ROGDI: variants seen among roughly 807,000 people sequenced by gnomAD.
ROGDI encodes rogdi atypical leucine zipper.
In ROGDI, 46 loss-of-function variants were observed where a neutral mutation model predicts 43.1. The ratio of observed to expected loss-of-function variants is 1.07; its 90% CI spans 0.84 to 1.37. The LOEUF (loss-of-function observed/expected upper bound fraction) is 1.37. Ranked by LOEUF, ROGDI falls within the 40% of genes most tolerant of loss-of-function variation. ROGDI has a pLI of 0.00. For synonymous variants in ROGDI, 243 were observed against 162.0 expected, an observed-to-expected ratio of 1.50 and a Z score of -3.80; for missense variants, 518 against 383.9, an observed-to-expected ratio of 1.35 and a Z score of -2.92.
rs775275654 is a variant in ROGDI at position 4,797,875 on chromosome 16, C to A, written c.696-35G>T. 9 of 1,607,748 alleles carry A rather than the reference C, an allele frequency of 5.6e-6. No homozygotes were observed. The Admixed American group carries it at 1.5e-4, about 27-fold the overall frequency. On this transcript the variant is annotated intron_variant, in intron 9 of 10. Coordinates refer to ENST00000322048, the MANE Select transcript of ROGDI (RefSeq NM_024589.3). The stretch of plus-strand genomic sequence containing the variant: ...GTGAGAGGGTCCCTGAGGAGGGTCC[C>A]GGCCCTCCAGGTGTGGAGGGATGGG...
rs377372825 is a variant in ROGDI, at chr16:4,797,581, A to G, written c.823-80T>C. ...GAGATGTCAAGGTCACCCAAGGACA[A>G]TATGTCAGGACAGGGCATTGCTGCC... On this transcript the variant is annotated intron_variant, in intron 10 of 10. Coordinates refer to ENST00000322048, the MANE Select transcript of ROGDI (RefSeq NM_024589.3). The G allele has an allele frequency of 2.3e-4, 356 of 1,581,832 alleles. 2 individuals carry two copies. The highest frequency in any genetic ancestry group is 2.0e-3 in the African/African-American group (151 of 74,424).
Position 4,802,517 on chromosome 16 carries a change from C to T in ROGDI, c.45+10G>A. On this transcript the variant is annotated intron_variant, in intron 1 of 10. Coordinates refer to ENST00000322048, the MANE Select transcript of ROGDI (RefSeq NM_024589.3). ...CCCCGCCGGCCCGCCCGCTGGCCCG[C>T]GCGCCTTACCAGCACCGCCCGCTCC... is the stretch of plus-strand genomic sequence containing the variant. The T allele has an allele frequency of 1.6e-6, 2 of 1,219,072 alleles. No individual in the cohort carries two copies. Among genetic ancestry groups the T allele is most frequent in the Non-Finnish European group, 2.0e-6 (2 of 981,260 alleles). 75.5% of individuals were successfully genotyped at this position (1,219,072 alleles called of 1,614,324 possible). A position where few individuals can be genotyped will look rare whatever the true frequency, so the allele number is the denominator to read the frequency against.
In ROGDI at chr16:4,797,252, C is replaced by A; in HGVS notation, c.*208G>T. 1 of 562,854 alleles carries A rather than the reference C, an allele frequency of 1.8e-6. No individual in the cohort carries two copies. The highest frequency in any genetic ancestry group is 3.2e-6 in the Non-Finnish European group (1 of 316,738). 34.9% of individuals were successfully genotyped at this position (562,854 alleles called of 1,614,324 possible). On this transcript the variant is annotated 3_prime_UTR_variant, in exon 11 of 11. Transcript: ENST00000322048. ...GTGGGACACCCTTGGCCCCGCCTCC[C>A]TGACCTCCCCACTACCCCACCAAAC...
chr16:4,797,342 T>TA lies in ROGDI; in HGVS notation c.*117dup, dbSNP rs1396966897. 1.2e-6 allele frequency: 1 copy of TA among 824,868 alleles called. No individual in the cohort carries two copies. Among genetic ancestry groups the TA allele is most frequent in the African/African-American group, 1.7e-5 (1 of 58,400 alleles). 51.1% of individuals were successfully genotyped at this position (824,868 alleles called of 1,614,324 possible). A position where few individuals can be genotyped will look rare whatever the true frequency, so the allele number is the denominator to read the frequency against. On this transcript the variant is annotated 3_prime_UTR_variant, in exon 11 of 11. Coordinates refer to ENST00000322048, the MANE Select transcript of ROGDI (RefSeq NM_024589.3). ...GGCAGTGCAAATGTGTTAGGTGGGG[T>TA]AGGGGGTGGGATAGGGAGATAAATA...
chr16:4,797,792 C>G lies in ROGDI; in HGVS notation c.744G>C (p.Glu248Asp). 6.2e-7 allele frequency: 1 copy of G among 1,613,560 alleles called. No homozygotes were observed. Among genetic ancestry groups the G allele is most frequent in the Non-Finnish European group, 8.5e-7 (1 of 1,179,976 alleles). ...CGTCGTTGAGCCAGGGGATCACGCA[C>G]TCCACTTTGTGCACGTGGCTCACCT... ...RLEVSHVHKV[E>D]CVIPWLNDAL... Residue 248 changes from glutamate to aspartate, a missense_variant, in exon 10 of 11, where the codon GAG (glutamate) becomes GAC (aspartate). By Grantham distance (45) the Glu-to-Asp change is conservative (BLOSUM62 2). Coordinates refer to ENST00000322048, the MANE Select transcript of ROGDI (RefSeq NM_024589.3).
In ROGDI at chr16:4,801,318, T is replaced by C; in HGVS notation, c.204A>G (p.Thr68=). ...QENFILGSCG[T]DQVKGVLTLQ... Reference sequence around the variant, plus strand: ...GAGTCAGCACACCCTTCACCTGGTCTGTGCTGTAACATGTGGCGTCAGAGC... The same window carrying C: ...GAGTCAGCACACCCTTCACCTGGTCCGTGCTGTAACATGTGGCGTCAGAGC... The change falls in exon 4 of 11, where the codon ACA becomes ACG. Residue 68 remains threonine (T), a synonymous_variant. Transcript: ENST00000322048. The C allele has an allele frequency of 6.2e-7, 1 of 1,605,658 alleles. No individual in the cohort carries two copies. Among genetic ancestry groups the C allele is most frequent in the African/African-American group, 1.3e-5 (1 of 74,902 alleles).
At position 4,797,343 on chromosome 16, in the gene ROGDI, A is replaced by C; in HGVS notation, c.*117T>G. On this transcript the variant is annotated 3_prime_UTR_variant, in exon 11 of 11. Transcript: ENST00000322048. ...GCAGTGCAAATGTGTTAGGTGGGGT[A>C]GGGGGTGGGATAGGGAGATAAATAG... is the stretch of plus-strand genomic sequence containing the variant. The C allele has an allele frequency of 1.9e-5, 16 of 822,040 alleles. No homozygotes were observed. The highest frequency in any genetic ancestry group is 2.6e-5 in the East Asian group (1 of 38,498). 50.9% of individuals were successfully genotyped at this position (822,040 alleles called of 1,614,324 possible). A position where few individuals can be genotyped will look rare whatever the true frequency, so the allele number is the denominator to read the frequency against.
chr16:4,801,722 G>T, intron 2 of ROGDI, 137 bp from the exon 3 acceptor site: 1 of 783,720 alleles, frequency 1.3e-6, no homozygotes, highest in Non-Finnish European at 2.1e-6. Flanking sequence ...GTTCAGCTGG[G>T]GTGGGAAGAC....
chr16:4,802,086 G>C, intron 2 of ROGDI: 1 of 630,954 alleles, frequency 1.6e-6, no homozygotes, highest in Non-Finnish European at 2.9e-6. Context: ...GCCAGGCAGA[G>C]GCAGAATTCT....
chr16:4,799,280 G>C (rs763700875), intron 6 of ROGDI, among the ~76,000 whole-genome samples: 2 of 152,052 alleles, frequency 1.3e-5, no homozygotes, highest in Non-Finnish European at 2.9e-5. Flanking sequence ...TTCTCGAAGG[G>C]ATCTTAGTCT....
At chr16:4,800,428 G>A (rs945932425) in intron 5 of ROGDI, 70 bp downstream of exon 5, 1 of 1,276,254 alleles carries the variant, frequency 7.8e-7, no homozygotes, top group African/African-American at 1.5e-5. Flanking sequence ...CCCTCTCCAG[G>A]GAGGCCCCGC....
At position 4,797,479 on chromosome 16, in the gene ROGDI, C is replaced by T. The variant is rs769206420; in HGVS notation, c.845G>A (p.Trp282Ter). The change falls in exon 11 of 11, where the codon TGG (tryptophan) becomes TAG (stop). Residue 282 changes from tryptophan (W) to a stop codon, truncating the protein, a stop_gained. Transcript: ENST00000322048. LOFTEE classifies it high-confidence loss of function. ...CTGTGATCAGAAGGGTCTGTAGCTCCAGTAGCTGGAGAACACGGAGATCTG... is the reference window on the plus strand; with the variant it reads ...CTGTGATCAGAAGGGTCTGTAGCTCTAGTAGCTGGAGAACACGGAGATCTG... ...KDKISVFSSY[W>*]SYRPF 1.2e-6 allele frequency: 2 copies of T among 1,613,358 alleles called. No homozygotes were observed. The highest frequency in any genetic ancestry group is 2.2e-5 in the East Asian group (1 of 44,888).
chr16:4,802,478 G>T (rs920953272), intron 1 of ROGDI, 25 bp from the exon 2 acceptor site: 4 of 1,224,076 alleles, frequency 3.3e-6, no homozygotes, highest in Non-Finnish European at 4.1e-6. Context: ...CGGCGGTCGC[G>T]CCCGGCCCCG....
At position 4,802,394 on chromosome 16, in the gene ROGDI, C is replaced by G. The variant is rs367622050; in HGVS notation, c.105G>C (p.Gln35His). Residue 35 changes from glutamine (Q) to histidine (H), a missense_variant, in exon 2 of 11, where the codon CAG becomes CAC. Gln to His is a conservative substitution (Grantham distance 24). Coordinates refer to ENST00000322048, the MANE Select transcript of ROGDI (RefSeq NM_024589.3). ...DEVHAVLKQL[Q>H]DILKEASLRF... ...CGCGGGTCGTTACCTTGAGGATGTC[C>G]TGCAGCTGCTTCAACACAGCGTGCA... 6.4e-7 allele frequency: 1 copy of G among 1,571,190 alleles called. No homozygotes were observed. The highest frequency in any genetic ancestry group is 1.4e-5 in the African/African-American group (1 of 73,290).
intron 2 of ROGDI, 191 bp downstream of exon 2, chr16:4,802,191 C>A: frequency 3.0e-6 from 2 of 656,846 alleles, no homozygotes; most frequent in Non-Finnish European, 5.5e-6. Context: ...CTCGTCGGGA[C>A]CCGCCCCTGC....
chr16:4,798,433 C>A, intron 7 of ROGDI, 136 bp downstream of exon 7: 1 of 782,916 alleles, frequency 1.3e-6, no homozygotes, highest in Non-Finnish European at 2.0e-6. Flanking sequence ...GCCAAGGACC[C>A]CATCCCAGAA....
chr16:4,798,599 G>T lies in ROGDI; in HGVS notation c.501C>A (p.Thr167=). ...GGCCGCTGGCGGCGATCTCGGGGAGGGTGAGGGTGGCGGGGGTGGTGAGCC... is the reference window on the plus strand; with the variant it reads ...GGCCGCTGGCGGCGATCTCGGGGAGTGTGAGGGTGGCGGGGGTGGTGAGCC... ...RNRLTTPATL[T]LPEIAASGLT... is the part of the protein sequence containing the mutation. Residue 167 remains threonine (T), a synonymous_variant, in exon 7 of 11, where the codon ACC becomes ACA. Transcript: ENST00000322048. 6.4e-7 allele frequency: 1 copy of T among 1,573,564 alleles called. No homozygotes were observed. Among genetic ancestry groups the T allele is most frequent in the Admixed American group, 1.9e-5 (1 of 53,370 alleles).
rs781037239 is a variant in ROGDI, at chr16:4,797,780, G to C, written c.756C>G (p.Pro252=). The change falls in exon 10 of 11, where the codon CCC becomes CCG. Residue 252 remains proline, a synonymous_variant. Transcript: ENST00000322048. The part of the protein sequence containing the change: ...SHVHKVECVI[P]WLNDALVYFT... ...AGTAGACCAGGGCGTCGTTGAGCCA[G>C]GGGATCACGCACTCCACTTTGTGCA... 14 of 1,613,536 alleles carry C rather than the reference G, an allele frequency of 8.7e-6. No individual in the cohort carries two copies. The East Asian group carries it at 2.7e-4, about 31-fold the overall frequency.
At chr16:4,800,443 G>A in intron 5 of ROGDI, 55 bp downstream of exon 5, 1 of 1,434,306 alleles carries the variant, frequency 7.0e-7, no homozygotes, top group South Asian at 1.2e-5. Context: ...CCCCGCGGCA[G>A]GCCTGCTGCC....
Sources: allele counts gnomAD v4.1 joint callset (sites outside exome capture counted in the v4.1 genomes callset), GRCh38; gene constraint gnomAD v4.1.1; transcripts MANE v1.5; gene names NCBI Gene and HGNC (gene_info 2026-07-23, HGNC 2026-07-21).